Variants in SHISA9 observed in about 807,000 individuals in gnomAD.
SHISA9 encodes protein shisa-9.
In SHISA9, 13 loss-of-function variants were observed where a neutral mutation model predicts 38.0. That is an observed-to-expected ratio of 0.34 (90% CI 0.22 to 0.54). The LOEUF (loss-of-function observed/expected upper bound fraction) is 0.54. Ranked by LOEUF, SHISA9 falls within the 20% of genes least tolerant of loss-of-function variation. SHISA9 has a pLI of 0.91. For missense variants in SHISA9, 538 were observed against 575.8 expected (o/e 0.93, Z 0.67); for synonymous variants, 275 against 242.0 (o/e 1.14, Z -1.27).
intron 2 of SHISA9, among the ~76,000 whole-genome samples, chr16:12,975,891 T>G (rs936728583): frequency 1.3e-5 from 2 of 150,580 alleles, no homozygotes; most frequent in African/African-American, 4.9e-5. Flanking sequence ...TTTTTTTTTT[T>G]GCCAGTGAAC....
At chr16:13,550,300 CCATT>C in the SHISA9 span, among the ~76,000 whole-genome samples, 1 of 152,100 alleles carries the variant, frequency 6.6e-6, no homozygotes, top group African/African-American at 2.4e-5. Context: ...AGAAACTCTC[CCATT>C]CAGTTTTACT....
chr16:13,055,585 C>T lies in SHISA9; in HGVS notation c.691+138770C>T, dbSNP rs557615889. Among the ~76,000 whole-genome samples, 4 of 152,282 alleles carry T rather than the reference C, an allele frequency of 2.6e-5. No individual in the cohort carries two copies. In the East Asian group the frequency reaches 7.7e-4, roughly 29 times the overall value. ...CAATTCCAGGAGCACTGTAATGTAA[C>T]TTTGTCAGACCCATTGAAGTACGAG... On this transcript the variant is annotated intron_variant, in intron 2 of 4. Transcript: ENST00000558583.
At chr16:13,115,622 T>C (rs2074024497) in intron 2 of SHISA9, among the ~76,000 whole-genome samples, 1 of 152,208 alleles carries the variant, frequency 6.6e-6, no homozygotes, top group Non-Finnish European at 1.5e-5. Flanking sequence ...GCAGAGATTT[T>C]ATTTATGGCC....
the SHISA9 span, among the ~76,000 whole-genome samples, chr16:13,453,186 C>G: frequency 2.0e-5 from 3 of 152,244 alleles, no homozygotes; most frequent in South Asian, 6.2e-4. Context: ...CCGCGCCCAG[C>G]CTTGTATAGC....
the SHISA9 span, among the ~76,000 whole-genome samples, chr16:13,387,870 T>C: frequency 6.6e-6 from 1 of 152,104 alleles, no homozygotes; most frequent in African/African-American, 2.4e-5. Context: ...TCAGTAGTTC[T>C]CCACCATTGG....
intron 2 of SHISA9, among the ~76,000 whole-genome samples, chr16:12,941,693 A>G (rs552053764): frequency 6.6e-6 from 1 of 152,254 alleles, no homozygotes; most frequent in South Asian, 2.1e-4. Flanking sequence ...TCTCTACTAA[A>G]AATACAAATT....
At chr16:13,555,990 G>C in the SHISA9 span, among the ~76,000 whole-genome samples, 5 of 152,070 alleles carry the variant, frequency 3.3e-5, no homozygotes, top group African/African-American at 1.2e-4. Flanking sequence ...TCATTTGTTA[G>C]AAAAACAAAA....
At chr16:13,120,617 A>T (rs544349247) in intron 2 of SHISA9, among the ~76,000 whole-genome samples, 1 of 152,344 alleles carries the variant, frequency 6.6e-6, no homozygotes, top group East Asian at 1.9e-4. Flanking sequence ...GCAAATATTT[A>T]TGAGACAGGA....
chr16:12,925,380 A>G (rs1567341134), intron 2 of SHISA9, among the ~76,000 whole-genome samples: 3 of 151,880 alleles, frequency 2.0e-5, no homozygotes, highest in Admixed American at 1.3e-4. Flanking sequence ...AGACCAGGTC[A>G]GTAAGAATCT....
chr16:13,472,919 C>T, the SHISA9 span, among the ~76,000 whole-genome samples: 28 of 152,118 alleles, frequency 1.8e-4, no homozygotes, highest in African/African-American at 1.9e-4. Context: ...GTTATAATAA[C>T]GATTTTAATG....
intron 2 of SHISA9, among the ~76,000 whole-genome samples, chr16:13,136,372 T>A (rs2050348095): frequency 6.6e-6 from 1 of 151,652 alleles, no homozygotes; most frequent in African/African-American, 2.4e-5. Flanking sequence ...CTTCTTTTCG[T>A]TGTGTGAAAT....
the SHISA9 span, among the ~76,000 whole-genome samples, chr16:13,463,415 T>C: frequency 6.6e-6 from 1 of 151,778 alleles, no homozygotes; most frequent in Non-Finnish European, 1.5e-5. Context: ...CAGAGAGGAG[T>C]CTGGAAAGAT....
chr16:13,082,416 G>A (rs1300015057), intron 2 of SHISA9: 1 of 152,054 alleles, frequency 6.6e-6, no homozygotes, highest in Non-Finnish European at 1.5e-5. Context: ...GGTCATCGTA[G>A]CTCTATGCTC....
At chr16:13,418,447 G>A in the SHISA9 span, among the ~76,000 whole-genome samples, 2 of 152,132 alleles carry the variant, frequency 1.3e-5, no homozygotes, top group South Asian at 2.1e-4. Context: ...TGCTGAAACC[G>A]CATATGCAAG....
chr16:13,519,665 A>T, the SHISA9 span, among the ~76,000 whole-genome samples: 2 of 152,232 alleles, frequency 1.3e-5, no homozygotes, highest in African/African-American at 4.8e-5. Flanking sequence ...ACAGTTCCAC[A>T]GGGCTGGGGA....
At chr16:13,373,280 G>A in the SHISA9 span, among the ~76,000 whole-genome samples, 1 of 152,182 alleles carries the variant, frequency 6.6e-6, no homozygotes, top group East Asian at 1.9e-4. Flanking sequence ...ATAGCTCCTT[G>A]TTGCAAACAC....
At chr16:13,167,463 G>T (rs747272372) in intron 2 of SHISA9, among the ~76,000 whole-genome samples, 1 of 152,060 alleles carries the variant, frequency 6.6e-6, no homozygotes, top group Non-Finnish European at 1.5e-5. Context: ...TGCCTCTTAC[G>T]TTTCTGGTAA....
chr16:12,941,953 A>G (rs1027771077), intron 2 of SHISA9, among the ~76,000 whole-genome samples: 52 of 152,170 alleles, frequency 3.4e-4, no homozygotes, highest in Non-Finnish European at 1.3e-4. Context: ...CACCACTCCA[A>G]TGCAGGTTTG....
chr16:13,479,104 T>G, the SHISA9 span, among the ~76,000 whole-genome samples: 1 of 152,174 alleles, frequency 6.6e-6, no homozygotes, highest in African/African-American at 2.4e-5. Flanking sequence ...TTTTCCAGCT[T>G]CTAACAGCTG....
Sources: allele counts gnomAD v4.1 joint callset (sites outside exome capture counted in the v4.1 genomes callset), GRCh38; gene constraint gnomAD v4.1.1; transcripts MANE v1.5; gene names NCBI Gene and HGNC (gene_info 2026-07-23, HGNC 2026-07-21).